The following CACNA1E variants were observed in gnomAD, a reference collection of about 807,000 sequenced individuals.
The protein encoded by CACNA1E is calcium voltage-gated channel subunit alpha1 E, also known as voltage-dependent R-type calcium channel subunit alpha-1E.
Under a neutral mutation model 259.2 loss-of-function variants are expected in CACNA1E, and 40 were observed. The observed-to-expected ratio is 0.15, with a 90% CI of 0.12 to 0.20. CACNA1E has a LOEUF of 0.20. CACNA1E is among the 10% of genes least tolerant of loss of function. The pLI, the probability that CACNA1E is intolerant of heterozygous loss-of-function variation, is 1.00. For missense variants in CACNA1E, 1,874 were observed against 3,040.1 expected (o/e 0.62, Z 9.02); for synonymous variants, 1,104 against 1,138.5 (o/e 0.97, Z 0.61).
chr1:181,765,057 G>A (rs1330788111), intron 34 of CACNA1E, among the ~76,000 whole-genome samples: 3 of 152,100 alleles, frequency 2.0e-5, no homozygotes, highest in African/African-American at 7.2e-5. Flanking sequence ...CAGTATAGAA[G>A]TTTGATTTTT....
At position 181,798,270 on chromosome 1, in the gene CACNA1E, C is replaced by A; in HGVS notation, c.6400-22C>A. On this transcript the variant is annotated intron_variant, in intron 47 of 47. Transcript: ENST00000367573. The surrounding 1 kb of genome is among the most constrained non-coding windows in gnomAD (Gnocchi z 4.2). ...ATCATGCCAAGCCCAATCTAACATGCCATGTCTCTCCTGCTATACAGGGCA... is the reference window on the plus strand; with the variant it reads ...ATCATGCCAAGCCCAATCTAACATGACATGTCTCTCCTGCTATACAGGGCA... 6.4e-7 allele frequency: 1 copy of A among 1,554,774 alleles called. No individual in the cohort carries two copies. Among genetic ancestry groups the A allele is most frequent in the Non-Finnish European group, 8.7e-7 (1 of 1,148,892 alleles).
At chr1:181,441,815 T>G (rs567844768) in intron 2 of CACNA1E, among the ~76,000 whole-genome samples, 1 of 152,314 alleles carries the variant, frequency 6.6e-6, no homozygotes, top group African/African-American at 2.4e-5. Flanking sequence ...TTTAGCCTGA[T>G]TCTACATAGC....
chr1:181,567,440 C>T (rs35667792), intron 3 of CACNA1E, among the ~76,000 whole-genome samples: 57,452 of 151,970 alleles, frequency 0.38, 13,436 homozygotes, highest in East Asian at 0.68. Context: ...ATATACCCCA[C>T]CAAGCTGTAA....
intron 1 of CACNA1E, among the ~76,000 whole-genome samples, chr1:181,389,531 A>G (rs1056412168): frequency 6.6e-6 from 1 of 152,276 alleles, no homozygotes; most frequent in African/African-American, 2.4e-5. Context: ...GGACTGTACC[A>G]TGACCCTAAG....
intron 7 of CACNA1E, among the ~76,000 whole-genome samples, chr1:181,702,585 C>T (rs1165876427): frequency 6.6e-6 from 1 of 152,168 alleles, no homozygotes; most frequent in Non-Finnish European, 1.5e-5. Context: ...CCACTGCCTG[C>T]TACCACTCTG....
Position 181,485,392 on chromosome 1 carries a change from G to A in CACNA1E, c.266+1382G>A, listed in dbSNP as rs2102477642. ...TGCCTCAGCAGCTCGGTGATTGGCT[G>A]GCGCGTGGTGCTTCTAGGCAGCACC... On this transcript the variant is annotated intron_variant, in intron 1 of 47. Coordinates refer to ENST00000367573, the MANE Select transcript of CACNA1E (RefSeq NM_001205293.3). The surrounding 1 kb of genome is among the most constrained non-coding windows in gnomAD (Gnocchi z 4.2). Among the ~76,000 whole-genome samples, 1 of 152,278 alleles carries A rather than the reference G, an allele frequency of 6.6e-6. No individual in the cohort carries two copies. The highest frequency in any genetic ancestry group is 2.4e-5 in the African/African-American group (1 of 41,554).
chr1:181,460,855 A>G (rs1350413150), intron 2 of CACNA1E, among the ~76,000 whole-genome samples: 1 of 152,216 alleles, frequency 6.6e-6, no homozygotes, highest in East Asian at 1.9e-4. Flanking sequence ...ACCCGTTTCT[A>G]GGTATGTGGC....
Position 181,511,484 on chromosome 1 carries a change from C to T in CACNA1E, c.486C>T (p.Val162=). 6.2e-7 allele frequency: 1 copy of T among 1,613,864 alleles called. No individual in the cohort carries two copies. The highest frequency in any genetic ancestry group is 8.5e-7 in the Non-Finnish European group (1 of 1,179,866). The change falls in exon 3 of 48, where the codon GTC becomes GTT. Residue 162 remains valine (V), a synonymous_variant. Coordinates refer to ENST00000367573, the MANE Select transcript of CACNA1E (RefSeq NM_001205293.3). ...KGSYLRNGWN[V]MDFIVVLSGI... ...CTTACCTCCGCAATGGCTGGAATGTCATGGACTTCATCGTGGTCCTCAGTG... is the reference window on the plus strand; with the variant it reads ...CTTACCTCCGCAATGGCTGGAATGTTATGGACTTCATCGTGGTCCTCAGTG...
intron 3 of CACNA1E, among the ~76,000 whole-genome samples, chr1:181,531,187 A>G (rs1404815988): frequency 6.6e-6 from 1 of 152,162 alleles, no homozygotes; most frequent in Non-Finnish European, 1.5e-5. Context: ...ATTTGGATAA[A>G]TTGCTCCAGA....
intron 1 of CACNA1E, among the ~76,000 whole-genome samples, chr1:181,412,716 A>G (rs1657946051): frequency 6.6e-6 from 1 of 152,194 alleles, no homozygotes; most frequent in Admixed American, 6.5e-5. Context: ...GGGAACAGCC[A>G]GCTAGCTGTC....
At chr1:181,661,930 G>A (rs2102139269) in intron 7 of CACNA1E, among the ~76,000 whole-genome samples, 1 of 152,296 alleles carries the variant, frequency 6.6e-6, no homozygotes, top group South Asian at 2.1e-4. Context: ...GTCCTTTATG[G>A]AAGGAAATTA....
At chr1:181,334,556 C>T (rs1323514891) in intron 1 of CACNA1E, among the ~76,000 whole-genome samples, 1 of 152,196 alleles carries the variant, frequency 6.6e-6, no homozygotes, top group Non-Finnish European at 1.5e-5. Context: ...ACAACACCAT[C>T]CTTCTAATAG....
Position 181,728,510 on chromosome 1 carries a change from C to T in CACNA1E, c.2240+2348C>T, listed in dbSNP as rs554603465. Among the ~76,000 whole-genome samples, 29 of 150,048 alleles carry T rather than the reference C, an allele frequency of 1.9e-4. No homozygotes were observed. In the Middle Eastern group the frequency reaches 0.018, roughly 92 times the overall value. On this transcript the variant is annotated intron_variant, in intron 18 of 47. Coordinates refer to ENST00000367573, the MANE Select transcript of CACNA1E (RefSeq NM_001205293.3). The stretch of plus-strand genomic sequence containing the variant: ...GAGCCACCTCCGGGTGTGTGTGCCC[C>T]GCTCAGCTGTGTACACTCTGCTCAG...
intron 6 of CACNA1E, among the ~76,000 whole-genome samples, chr1:181,596,557 C>CGCGTGTGTGT (rs1653185287): frequency 7.1e-6 from 1 of 140,490 alleles, no homozygotes; most frequent in East Asian, 2.3e-4. Context: ...CCACCATGTA[C>CGCGTGTGTGT]GTGTGTGTGT....
chr1:181,735,206 C>CA lies in CACNA1E; in HGVS notation c.3263-1068dup, dbSNP rs796362743. 2.2e-4 allele frequency among the ~76,000 whole-genome samples: 34 copies of CA among 152,362 alleles called. 1 individual carries two copies. The highest frequency in any genetic ancestry group is 7.9e-4 in the African/African-American group (33 of 41,586). On this transcript the variant is annotated intron_variant, in intron 21 of 47. Transcript: ENST00000367573. ...GGCATGTCTCAGGATCCCAGACCCACAGCTCTTTTGGTGTTTGTTTGCTTT... is the reference window on the plus strand; with the variant it reads ...GGCATGTCTCAGGATCCCAGACCCACAAGCTCTTTTGGTGTTTGTTTGCTTT...
intron 1 of CACNA1E, among the ~76,000 whole-genome samples, chr1:181,339,459 C>T (rs1651981130): frequency 1.3e-5 from 2 of 152,022 alleles, no homozygotes; most frequent in South Asian, 4.1e-4. Flanking sequence ...AGGCTTCATT[C>T]ATGTTATATC....
At chr1:181,706,969 A>G (rs1376703753) in intron 7 of CACNA1E, among the ~76,000 whole-genome samples, 2 of 152,254 alleles carry the variant, frequency 1.3e-5, no homozygotes, top group East Asian at 1.9e-4. Flanking sequence ...TATGGAATCT[A>G]TCATACCAGA....
chr1:181,786,588 C>G (rs1341556405), intron 43 of CACNA1E, among the ~76,000 whole-genome samples: 1 of 151,818 alleles, frequency 6.6e-6, no homozygotes, highest in East Asian at 1.9e-4. Flanking sequence ...GAGTGATAAG[C>G]CTTTGCCCCA....
At chr1:181,537,998 G>T (rs1240284750) in intron 3 of CACNA1E, among the ~76,000 whole-genome samples, 3 of 152,178 alleles carry the variant, frequency 2.0e-5, no homozygotes, top group East Asian at 1.9e-4. Context: ...TGAATGAAAA[G>T]TCACCAAATA....
Sources: gnomAD v4.1 joint callset for allele counts (sites outside exome capture counted in the v4.1 genomes callset) on GRCh38, gnomAD v4.1.1 for gene constraint, Gnocchi (gnomAD v3.1) non-coding constraint, MANE v1.5 for transcripts, NCBI Gene and HGNC (gene_info 2026-07-23, HGNC 2026-07-21) for gene names.